The following TACC2 variants were observed in gnomAD, a reference collection of about 807,000 sequenced individuals.
The protein encoded by TACC2 is transforming acidic coiled-coil containing protein 2.
TACC2 carries 137 observed loss-of-function variants against 227.3 expected under a neutral mutation model. The observed-to-expected ratio is 0.60, with a 90% CI of 0.52 to 0.69. The LOEUF is 0.69. Among genes scored for constraint, TACC2 ranks in the 30% least tolerant of loss-of-function variants. The probability of loss-of-function intolerance (pLI) is 0.00; values close to 1 mark genes in which losing one functional copy is unlikely to be tolerated. For synonymous variants in TACC2, 1,523 were observed against 1,487.5 expected (o/e 1.02, Z -0.55); for missense variants, 3,470 against 3,694.4 (o/e 0.94, Z 1.57).
At position 122,108,373 on chromosome 10, in the gene TACC2, G is replaced by A. The variant is rs192651864; in HGVS notation, c.5573+19782G>A. Among the ~76,000 whole-genome samples, 474 of 142,332 alleles carry A rather than the reference G, an allele frequency of 3.3e-3. 3 individuals carry two copies. Among genetic ancestry groups the A allele is most frequent in the African/African-American group, 0.011 (445 of 40,626 alleles). The allele number at this position is 142,332 out of a possible 152,430, so 93.4% of individuals were successfully genotyped here. ...TTTATGGCTGAGTAGTATTCCATGC[G>A]CGCGCGCTCTCTCTTTCTCTCTCTC... On this transcript the variant is annotated intron_variant, in intron 5 of 22. Coordinates refer to ENST00000369005, the MANE Select transcript of TACC2 (RefSeq NM_206862.4).
rs1418196209 is a variant in TACC2, at chr10:122,205,706, C to T, written c.5972-4691C>T. ...CAGCCCTGCAGAAGGAAGTGCTGCT[C>T]TGCAGAGGAAGGGGCGGATGGAGGC... On this transcript the variant is annotated intron_variant, in intron 8 of 22. Coordinates refer to ENST00000369005, the MANE Select transcript of TACC2 (RefSeq NM_206862.4). The surrounding 1 kb of genome is among the most constrained non-coding windows in gnomAD (Gnocchi z 4.5). Among the ~76,000 whole-genome samples the T allele has an allele frequency of 6.6e-6, 1 of 152,166 alleles. No individual in the cohort carries two copies. The highest frequency in any genetic ancestry group is 1.9e-4 in the East Asian group (1 of 5,174).
At chr10:122,053,146 T>C (rs928323774) in intron 3 of TACC2, among the ~76,000 whole-genome samples, 1 of 152,138 alleles carries the variant, frequency 6.6e-6, no homozygotes, top group Non-Finnish European at 1.5e-5. Flanking sequence ...GACTGGGCAA[T>C]TTACAAAGAA....
At chr10:122,021,229 G>A (rs1591133653) in intron 1 of TACC2, among the ~76,000 whole-genome samples, 5 of 139,238 alleles carry the variant, frequency 3.6e-5, no homozygotes, top group South Asian at 5.0e-4. Context: ...ACTCCATCTC[G>A]AAAAAAAAAA....
At chr10:121,989,842 A>G (rs551080387) in intron 1 of TACC2, among the ~76,000 whole-genome samples, 58 of 151,848 alleles carry the variant, frequency 3.8e-4, no homozygotes, top group African/African-American at 1.2e-3. Context: ...ACTGTAGCCC[A>G]GAACTACTGG....
chr10:122,019,355 A>G (rs1236630895), intron 1 of TACC2, among the ~76,000 whole-genome samples: 1 of 152,208 alleles, frequency 6.6e-6, no homozygotes. Context: ...GCGTTTCCAC[A>G]TTATTTACGG....
intron 1 of TACC2, among the ~76,000 whole-genome samples, chr10:122,015,106 TAAAAA>T (rs10590944): frequency 0.024 from 3,467 of 147,398 alleles, 122 homozygotes; most frequent in African/African-American, 0.079. Flanking sequence ...TCATCTGCTA[TAAAAA>T]AAAAAAAAAA....
intron 1 of TACC2, among the ~76,000 whole-genome samples, chr10:121,998,862 T>C (rs1315277356): frequency 6.6e-6 from 1 of 152,174 alleles, no homozygotes; most frequent in East Asian, 1.9e-4. Flanking sequence ...CCTACCAAGA[T>C]CTGACCTCCT....
chr10:122,187,647 C>G (rs1215191913), intron 7 of TACC2, among the ~76,000 whole-genome samples: 1 of 152,060 alleles, frequency 6.6e-6, no homozygotes, highest in Non-Finnish European at 1.5e-5. Flanking sequence ...CCTGCCACCA[C>G]GCCCAGCTAA....
chr10:122,016,387 C>T (rs1330828106), intron 1 of TACC2, among the ~76,000 whole-genome samples: 5 of 151,538 alleles, frequency 3.3e-5, no homozygotes, highest in South Asian at 2.1e-4. Flanking sequence ...GCCAACATGG[C>T]GAAACCCCGT....
chr10:122,081,794 T>C (rs1368517256), intron 3 of TACC2, among the ~76,000 whole-genome samples: 1 of 152,170 alleles, frequency 6.6e-6, no homozygotes, highest in African/African-American at 2.4e-5. Flanking sequence ...CGTGCGGAAA[T>C]TCCATAGCCA....
At chr10:122,135,686 T>C (rs999490867) in intron 6 of TACC2, among the ~76,000 whole-genome samples, 1 of 152,248 alleles carries the variant, frequency 6.6e-6, no homozygotes, top group African/African-American at 2.4e-5. Flanking sequence ...TTTGTGAATT[T>C]GCCTTCTCAC....
chr10:122,149,909 T>G (rs904474708), intron 7 of TACC2, among the ~76,000 whole-genome samples: 1 of 152,196 alleles, frequency 6.6e-6, no homozygotes, highest in African/African-American at 2.4e-5. Context: ...TGAGCATAAC[T>G]ACGCTGAGCC....
intron 5 of TACC2, among the ~76,000 whole-genome samples, chr10:122,129,247 G>A (rs1293801443): frequency 6.6e-6 from 1 of 151,780 alleles, no homozygotes; most frequent in East Asian, 1.9e-4. Flanking sequence ...TAGTAGAGAC[G>A]GGGTTTCACC....
At chr10:121,996,494 G>A (rs1174401088) in intron 1 of TACC2, among the ~76,000 whole-genome samples, 1 of 152,172 alleles carries the variant, frequency 6.6e-6, no homozygotes, top group South Asian at 2.1e-4. Flanking sequence ...CAATGCTGGG[G>A]ATCACATTTC....
chr10:122,062,572 C>A (rs2076961659), intron 3 of TACC2, among the ~76,000 whole-genome samples: 1 of 152,066 alleles, frequency 6.6e-6, no homozygotes. Flanking sequence ...CCTCGGCCTC[C>A]CAAAGTGCTG....
chr10:122,091,710 G>A (rs1231660111), intron 5 of TACC2, among the ~76,000 whole-genome samples: 1 of 152,174 alleles, frequency 6.6e-6, no homozygotes, highest in Non-Finnish European at 1.5e-5. Flanking sequence ...CGTGGACCTG[G>A]GCTGGTCTCG....
chr10:121,993,667 C>A (rs1246819187), intron 1 of TACC2, among the ~76,000 whole-genome samples: 5 of 151,936 alleles, frequency 3.3e-5, no homozygotes, highest in African/African-American at 1.2e-4. Context: ...AATTTGTCAC[C>A]CAGGCTACAG....
At chr10:122,213,244 GCCATATCCTAAC>G (rs2095333601) in intron 9 of TACC2, 2 of 1,294,560 alleles carry the variant, frequency 1.5e-6, no homozygotes, top group African/African-American at 2.9e-5. Context: ...AGCGGTGGCC[GCCATATCCTAAC>G]CCATTAATAA....
intron 19 of TACC2, chr10:122,248,344 A>C (rs929515407): frequency 2.0e-5 from 6 of 301,104 alleles, no homozygotes; most frequent in African/African-American, 1.2e-4. Context: ...TAGAATCACC[A>C]GGGACACCAA....
Sources: allele counts gnomAD v4.1 joint callset (sites outside exome capture counted in the v4.1 genomes callset), GRCh38; gene constraint gnomAD v4.1.1; non-coding constraint Gnocchi (gnomAD v3.1); transcripts MANE v1.5; gene names NCBI Gene and HGNC (gene_info 2026-07-23, HGNC 2026-07-21).